The following TTC21B variants were observed in gnomAD, a reference collection of about 807,000 sequenced individuals.
TTC21B encodes the protein tetratricopeptide repeat protein 21B.
A neutral mutation model predicts 175.1 loss-of-function variants in TTC21B; 127 were observed. The ratio of observed to expected loss-of-function variants is 0.73; its 90% confidence interval spans 0.63 to 0.84. The LOEUF (loss-of-function observed/expected upper bound fraction) is 0.84, where lower values mean the gene tolerates loss of function less well. Among genes scored for constraint, TTC21B ranks in the 40% least tolerant of loss-of-function variants. TTC21B has a pLI of 0.00. For missense variants in TTC21B, 1,561 were observed against 1,558.3 expected (o/e 1.00, Z -0.03); for synonymous variants, 524 against 524.5 (o/e 1.00, Z 0.01).
chr2:165,953,171 A>G (rs1687811949), intron 1 of TTC21B, among the ~76,000 whole-genome samples: 1 of 152,212 alleles, frequency 6.6e-6, no homozygotes, highest in South Asian at 2.1e-4. Flanking sequence ...AGCCTTTCTT[A>G]AGTTGACCGT....
intron 18 of TTC21B, among the ~76,000 whole-genome samples, chr2:165,910,170 G>A (rs1325841401): frequency 6.6e-6 from 1 of 152,086 alleles, no homozygotes; most frequent in Non-Finnish European, 1.5e-5. Flanking sequence ...TTGGGAGGCC[G>A]AGGCAGGCAG....
chr2:165,941,698 C>A (rs1328629076), intron 5 of TTC21B, among the ~76,000 whole-genome samples: 1 of 151,852 alleles, frequency 6.6e-6, no homozygotes, highest in Admixed American at 6.6e-5. Flanking sequence ...GACAAGACCA[C>A]AAGGAAGTAT....
Position 165,943,080 on chromosome 2 carries a change from C to T in TTC21B, c.552+139G>A, listed in dbSNP as rs114579734. The T allele has an allele frequency of 4.0e-3, 3,189 of 794,412 alleles. 47 individuals carry two copies. The African/African-American group carries it at 0.043, about 11-fold the overall frequency. 49.2% of individuals were successfully genotyped at this position (794,412 alleles called of 1,614,324 possible). ...TATTGCTCATTGTCCTACACAAATG[C>T]CAGTCTACCTTACAGCTGTGAGCTG... is the stretch of plus-strand genomic sequence containing the variant. On this transcript the variant is annotated intron_variant, in intron 5 of 28. Coordinates refer to ENST00000243344, the MANE Select transcript of TTC21B (RefSeq NM_024753.5).
intron 27 of TTC21B, among the ~76,000 whole-genome samples, chr2:165,876,794 C>A (rs535253557): frequency 6.6e-6 from 1 of 152,296 alleles, no homozygotes; most frequent in Non-Finnish European, 1.5e-5. Context: ...TGTCTGAAAT[C>A]TGAAGAATGA....
Position 165,913,756 on chromosome 2 carries a change from G to C in TTC21B, c.2139-110C>G. 4 of 885,960 alleles carry C rather than the reference G, an allele frequency of 4.5e-6. No homozygotes were observed. The South Asian group carries it at 5.8e-5, about 13-fold the overall frequency. 54.9% of individuals were successfully genotyped at this position (885,960 alleles called of 1,614,324 possible). On this transcript the variant is annotated intron_variant, in intron 15 of 28. Coordinates refer to ENST00000243344, the MANE Select transcript of TTC21B (RefSeq NM_024753.5). ...TATTTTAGTTAGCCAGTAGCCTTCA[G>C]AGTATCTCTATATACCCAACAGTGT... is the stretch of plus-strand genomic sequence containing the variant.
chr2:165,896,022 C>A (rs1475276871), intron 22 of TTC21B, among the ~76,000 whole-genome samples: 2 of 152,098 alleles, frequency 1.3e-5, no homozygotes, highest in East Asian at 3.9e-4. Context: ...TAAATTCAAA[C>A]ATCTTTTTAT....
At chr2:165,937,738 CAAATATATACATATTTTT>C (rs1687205306) in intron 6 of TTC21B, among the ~76,000 whole-genome samples, 1 of 147,630 alleles carries the variant, frequency 6.8e-6, no homozygotes, top group East Asian at 2.0e-4. Context: ...AAAACACCCT[CAAATATATACATATTTTT>C]AAAATATATA....
rs1687809362 is a variant in TTC21B, at chr2:165,953,097, G to C, written c.21+588C>G. On this transcript the variant is annotated intron_variant, in intron 1 of 28. Coordinates refer to ENST00000243344, the MANE Select transcript of TTC21B (RefSeq NM_024753.5). ...GAGTGATTCAGTGAACAAATGAATAGAGAAGACCAACATCCGAAAAGTTAT... is the reference window on the plus strand; with the variant it reads ...GAGTGATTCAGTGAACAAATGAATACAGAAGACCAACATCCGAAAAGTTAT... Among the ~76,000 whole-genome samples, 3 of 152,176 alleles carry C rather than the reference G, an allele frequency of 2.0e-5. No individual in the cohort carries two copies. The South Asian group carries it at 6.2e-4, about 32-fold the overall frequency.
At chr2:165,885,124 T>A (rs1447036209) in intron 25 of TTC21B, among the ~76,000 whole-genome samples, 2 of 152,148 alleles carry the variant, frequency 1.3e-5, no homozygotes, top group Non-Finnish European at 2.9e-5. Flanking sequence ...CACTCCAGCA[T>A]GGAAGACAGA....
chr2:165,896,136 C>A (rs1207558708), intron 22 of TTC21B, among the ~76,000 whole-genome samples: 1 of 16,874 alleles, frequency 5.9e-5, no homozygotes, highest in African/African-American at 1.1e-4. Flanking sequence ...AGCACAGATG[C>A]CTAGGGCATC....
intron 25 of TTC21B, among the ~76,000 whole-genome samples, 167 bp downstream of exon 25, chr2:165,888,112 T>A (rs1486387472): frequency 6.6e-6 from 1 of 152,216 alleles, no homozygotes; most frequent in African/African-American, 2.4e-5. Flanking sequence ...TAACATCGTC[T>A]CTTCCGCCAA....
At chr2:165,922,691 T>C (rs1686461414) in intron 12 of TTC21B, among the ~76,000 whole-genome samples, 1 of 151,228 alleles carries the variant, frequency 6.6e-6, no homozygotes, top group Non-Finnish European at 1.5e-5. Context: ...CTCAAAGAAC[T>C]AAAAGTAGAT....
chr2:165,917,201 T>C lies in TTC21B; in HGVS notation c.1899+56A>G, dbSNP rs933157768. On this transcript the variant is annotated intron_variant, in intron 14 of 28. Transcript: ENST00000243344. ...GGCAGCTTTTCATTTTCTACTAATATATATGTTAGAATAAGAAAGTTCACA... is the reference window on the plus strand; with the variant it reads ...GGCAGCTTTTCATTTTCTACTAATACATATGTTAGAATAAGAAAGTTCACA... 4.7e-6 allele frequency: 7 copies of C among 1,499,788 alleles called. No individual in the cohort carries two copies. In the East Asian group the frequency reaches 9.0e-5, roughly 19 times the overall value. The allele number at this position is 1,499,788 out of a possible 1,614,324, so 92.9% of individuals were successfully genotyped here.
chr2:165,947,194 T>TATATATATATA (rs1398243099), intron 3 of TTC21B: 1 of 52,232 alleles, frequency 1.9e-5, no homozygotes, highest in African/African-American at 1.6e-4. Flanking sequence ...ATATATATAT[T>TATATATATATA]AGTATCTGCT....
intron 22 of TTC21B, among the ~76,000 whole-genome samples, chr2:165,894,026 T>C (rs1466698657): frequency 6.6e-6 from 1 of 152,156 alleles, no homozygotes; most frequent in Non-Finnish European, 1.5e-5. Flanking sequence ...TTAGAACTGA[T>C]ATGCTAGTCC....
intron 20 of TTC21B, 46 bp from the exon 21 acceptor site, chr2:165,899,926 A>G: frequency 7.7e-7 from 1 of 1,297,206 alleles, no homozygotes; most frequent in Non-Finnish European, 1.1e-6. Flanking sequence ...ATAGAATAAA[A>G]AGTCAATGAG....
At chr2:165,930,538 G>T (rs1201095529) in intron 8 of TTC21B, among the ~76,000 whole-genome samples, 174 bp from the exon 9 acceptor site, 1 of 151,254 alleles carries the variant, frequency 6.6e-6, no homozygotes. Context: ...AATGCATCAA[G>T]AAAGAGTTTA....
intron 19 of TTC21B, among the ~76,000 whole-genome samples, chr2:165,904,307 G>A (rs577156616): frequency 3.1e-3 from 479 of 152,242 alleles, no homozygotes; most frequent in Non-Finnish European, 5.2e-3. Context: ...TATTAATATT[G>A]TTTAAGATTA....
chr2:165,932,503 T>C (rs1158006146), intron 7 of TTC21B, among the ~76,000 whole-genome samples: 1 of 152,132 alleles, frequency 6.6e-6, no homozygotes, highest in Non-Finnish European at 1.5e-5. Flanking sequence ...AGTCAATGTG[T>C]TCACTACTAC....
Sources: gnomAD v4.1 joint callset for allele counts (sites outside exome capture counted in the v4.1 genomes callset) on GRCh38, gnomAD v4.1.1 for gene constraint, MANE v1.5 for transcripts, NCBI Gene and HGNC (gene_info 2026-07-23, HGNC 2026-07-21) for gene names.